FANK1: variants seen among roughly 807,000 people sequenced by gnomAD.
FANK1 encodes fibronectin type 3 and ankyrin repeat domains protein 1.
A neutral mutation model predicts 45.3 loss-of-function variants in FANK1; 44 were observed. The observed-to-expected ratio is 0.97, with a 90% CI of 0.76 to 1.25. FANK1 has a LOEUF of 1.25. FANK1 is among the 50% of genes most tolerant of loss of function. The pLI is 0.00. For missense variants in FANK1, 391 were observed against 424.4 expected (o/e 0.92, Z 0.69); for synonymous variants, 149 against 152.5 (o/e 0.98, Z 0.17).
At chr10:125,936,550 G>T (rs1948111780) in intron 1 of FANK1, among the ~76,000 whole-genome samples, 1 of 151,784 alleles carries the variant, frequency 6.6e-6, no homozygotes, top group African/African-American at 2.4e-5. Flanking sequence ...TAACACCATG[G>T]GTTAGTTTTG....
At chr10:125,978,843 A>G (rs35713731) in intron 1 of FANK1, among the ~76,000 whole-genome samples, 60,825 of 152,016 alleles carry the variant, frequency 0.4, 12,334 homozygotes, top group South Asian at 0.46. Flanking sequence ...GTTGCTGCTT[A>G]GCTGCCTGGA....
chr10:125,906,218 C>T (rs1460406351), intron 1 of FANK1, among the ~76,000 whole-genome samples: 1 of 151,698 alleles, frequency 6.6e-6, no homozygotes, highest in Admixed American at 6.6e-5. Context: ...AGGTCCGTTA[C>T]AAAAAAAGAA....
chr10:125,933,465 G>T (rs1947882557), intron 1 of FANK1, among the ~76,000 whole-genome samples: 1 of 152,022 alleles, frequency 6.6e-6, no homozygotes, highest in African/African-American at 2.4e-5. Context: ...TATTTGTGTT[G>T]TCAGTTGTAA....
At chr10:125,925,225 C>T (rs1947262894) in intron 1 of FANK1, among the ~76,000 whole-genome samples, 1 of 152,258 alleles carries the variant, frequency 6.6e-6, no homozygotes, top group East Asian at 1.9e-4. Context: ...GTCTCCTCAT[C>T]TGTCAACTTT....
chr10:125,948,662 A>C (rs1470728647), intron 1 of FANK1, among the ~76,000 whole-genome samples: 5 of 152,250 alleles, frequency 3.3e-5, no homozygotes, highest in Non-Finnish European at 7.3e-5. Flanking sequence ...AGATGGATTC[A>C]CAGCTGAATT....
intron 6 of FANK1, among the ~76,000 whole-genome samples, chr10:126,001,570 T>C (rs2134226210): frequency 6.6e-6 from 1 of 152,268 alleles, no homozygotes; most frequent in South Asian, 2.1e-4. Flanking sequence ...TGCTATGTCC[T>C]GGCCACTCTC....
At chr10:125,981,479 AGAGT>A (rs34929466) in intron 2 of FANK1, among the ~76,000 whole-genome samples, 57,348 of 145,622 alleles carry the variant, frequency 0.39, 11,444 homozygotes, top group South Asian at 0.46. Flanking sequence ...CCTGGGTGAC[AGAGT>A]GAGACCCTGT....
chr10:126,005,307 C>CTTTTTTTT (rs35163273), intron 7 of FANK1, among the ~76,000 whole-genome samples: 2 of 122,300 alleles, frequency 1.6e-5, no homozygotes, highest in African/African-American at 3.0e-5. Context: ...TACTTTCTTT[C>CTTTTTTTT]TTTTTTTTTT....
At chr10:125,920,543 C>A (rs1946870780) in intron 1 of FANK1, among the ~76,000 whole-genome samples, 1 of 152,228 alleles carries the variant, frequency 6.6e-6, no homozygotes, top group South Asian at 2.1e-4. Context: ...TGGCAGGAGG[C>A]CACATAAACA....
At chr10:125,981,646 T>C (rs1951226672) in intron 2 of FANK1, among the ~76,000 whole-genome samples, 2 of 152,198 alleles carry the variant, frequency 1.3e-5, no homozygotes, top group African/African-American at 4.8e-5. Context: ...CAAATATGGT[T>C]TTTAGTGAAA....
chr10:125,953,007 G>A (rs1015924580), intron 1 of FANK1, among the ~76,000 whole-genome samples: 3 of 152,146 alleles, frequency 2.0e-5, no homozygotes, highest in South Asian at 2.1e-4. Context: ...CAGGATACTG[G>A]TCAGCCTCTG....
chr10:125,911,262 AT>A (rs1252625906), intron 1 of FANK1, among the ~76,000 whole-genome samples: 2 of 152,182 alleles, frequency 1.3e-5, no homozygotes, highest in Non-Finnish European at 2.9e-5. Flanking sequence ...ATACACGATC[AT>A]AGAGCCAAGG....
rs1420861346 is a variant in FANK1 at position 125,977,730 on chromosome 10, T to G, written c.14-2431T>G. ...AGCCCAAGATGTAGGGTTTGTGCTG[T>G]GTGCCCAAGCCAGGGGTTCCCTGTC... On this transcript the variant is annotated intron_variant, in intron 1 of 10. Coordinates refer to ENST00000368693, the MANE Select transcript of FANK1 (RefSeq NM_145235.5). 3.9e-5 allele frequency among the ~76,000 whole-genome samples: 6 copies of G among 152,298 alleles called. No individual in the cohort carries two copies. In the East Asian group the frequency reaches 1.2e-3, roughly 29 times the overall value.
intron 1 of FANK1, among the ~76,000 whole-genome samples, chr10:125,929,939 A>C (rs1310242236): frequency 6.6e-6 from 1 of 152,188 alleles, no homozygotes; most frequent in Non-Finnish European, 1.5e-5. Flanking sequence ...TTATAGCTGA[A>C]GTGTGAATTG....
chr10:125,913,107 GA>G (rs776491659), intron 1 of FANK1, among the ~76,000 whole-genome samples: 6 of 152,174 alleles, frequency 3.9e-5, no homozygotes, highest in Non-Finnish European at 8.8e-5. Flanking sequence ...GTATGCAAAT[GA>G]ATGAGGCCTT....
At chr10:125,956,440 G>A (rs922343379) in intron 1 of FANK1, among the ~76,000 whole-genome samples, 1 of 152,130 alleles carries the variant, frequency 6.6e-6, no homozygotes, top group Non-Finnish European at 1.5e-5. Context: ...AAAATGGGAA[G>A]GAGCAGGCAG....
chr10:125,936,816 C>G (rs904675992), intron 1 of FANK1, among the ~76,000 whole-genome samples: 1 of 152,000 alleles, frequency 6.6e-6, no homozygotes, highest in African/African-American at 2.4e-5. Flanking sequence ...GTCTGTAATC[C>G]GAGCACTTAG....
chr10:125,995,562 A>AGT (rs1280816390), intron 4 of FANK1, 64 bp downstream of exon 4: 1 of 1,469,064 alleles, frequency 6.8e-7, no homozygotes, highest in Non-Finnish European at 9.5e-7. Flanking sequence ...AAATACATGC[A>AGT]GTAGTTTCAT....
chr10:125,964,335 G>A (rs953333357), intron 1 of FANK1, among the ~76,000 whole-genome samples: 1 of 151,700 alleles, frequency 6.6e-6, no homozygotes, highest in African/African-American at 2.4e-5. Context: ...TCAGACCACA[G>A]GTGTGCGCCA....
Sources: allele counts gnomAD v4.1 joint callset (sites outside exome capture counted in the v4.1 genomes callset), GRCh38; gene constraint gnomAD v4.1.1; transcripts MANE v1.5; gene names NCBI Gene and HGNC (gene_info 2026-07-23, HGNC 2026-07-21).